PRKAR1B: variants seen among roughly 807,000 people sequenced by gnomAD.
PRKAR1B encodes the protein protein kinase cAMP-dependent type I regulatory subunit beta.
A neutral mutation model predicts 46.5 loss-of-function variants in PRKAR1B; 22 were observed. That is an observed-to-expected ratio of 0.47 (90% CI 0.34 to 0.68). The LOEUF is 0.68. PRKAR1B is among the 30% of genes least tolerant of loss of function. The pLI is 0.01. For missense variants in PRKAR1B, 445 were observed against 535.6 expected (o/e 0.83, Z 1.67); for synonymous variants, 259 against 217.7 (o/e 1.19, Z -1.67).
intron 8 of PRKAR1B, among the ~76,000 whole-genome samples, chr7:579,921 AC>A (rs1364530717): frequency 6.6e-6 from 1 of 151,638 alleles, no homozygotes; most frequent in South Asian, 2.1e-4. Flanking sequence ...ACATAATGAG[AC>A]CCCATCTCTA....
chr7:604,372 G>A lies in PRKAR1B; in HGVS notation c.549+1821C>T, dbSNP rs1295540087. Reference sequence around the variant, plus strand: ...CCCCCTCCACACTTCCTCTGAGGCCGGGCAGTACCCGGGACCTTTGGCACC... The same window carrying A: ...CCCCCTCCACACTTCCTCTGAGGCCAGGCAGTACCCGGGACCTTTGGCACC... On this transcript the variant is annotated intron_variant, in intron 6 of 10. Coordinates refer to ENST00000537384, the MANE Select transcript of PRKAR1B (RefSeq NM_001164760.2). 8.5e-5 allele frequency among the ~76,000 whole-genome samples: 13 copies of A among 152,328 alleles called. No individual in the cohort carries two copies. The East Asian group carries it at 9.7e-4, about 11-fold the overall frequency.
chr7:626,403 G>C (rs1783405441), intron 4 of PRKAR1B, among the ~76,000 whole-genome samples: 1 of 152,084 alleles, frequency 6.6e-6, no homozygotes, highest in Non-Finnish European at 1.5e-5. Context: ...GATGAGGCCA[G>C]AGAATCACTT....
chr7:673,600 G>C (rs1786411274), intron 4 of PRKAR1B, among the ~76,000 whole-genome samples: 1 of 150,332 alleles, frequency 6.7e-6, no homozygotes, highest in Non-Finnish European at 1.5e-5. Context: ...AGTGAGCCGA[G>C]ATCGCCCCAC....
chr7:685,349 T>TAC (rs1562615933), intron 2 of PRKAR1B, among the ~76,000 whole-genome samples: 3 of 71,018 alleles, frequency 4.2e-5, no homozygotes, highest in Admixed American at 1.6e-4. Context: ...TATATATATG[T>TAC]ATACATATAT....
intron 4 of PRKAR1B, among the ~76,000 whole-genome samples, chr7:616,047 T>TGAGCCC (rs2128471284): frequency 6.6e-6 from 1 of 152,028 alleles, no homozygotes; most frequent in East Asian, 1.9e-4. Flanking sequence ...AGGCTGAGGC[T>TGAGCCC]GAGCCCAGGC....
At chr7:625,516 T>C (rs764546490) in intron 4 of PRKAR1B, among the ~76,000 whole-genome samples, 32 of 151,912 alleles carry the variant, frequency 2.1e-4, no homozygotes, top group Non-Finnish European at 4.3e-4. Flanking sequence ...ACAGGTCCCA[T>C]GGACAAGAGA....
chr7:551,493 G>C (rs944155478), intron 9 of PRKAR1B, 23 bp from the exon 10 acceptor site: 1 of 1,548,868 alleles, frequency 6.5e-7, no homozygotes, highest in African/African-American at 1.4e-5. Context: ...GTGGACAGAC[G>C]TGAGTGCCAG....
At chr7:672,480 A>G (rs1206726341) in intron 4 of PRKAR1B, among the ~76,000 whole-genome samples, 2 of 152,148 alleles carry the variant, frequency 1.3e-5, no homozygotes, top group South Asian at 4.1e-4. Flanking sequence ...ATTCAGGTGC[A>G]AAGCTGTGCT....
intron 9 of PRKAR1B, among the ~76,000 whole-genome samples, chr7:577,985 G>A (rs956858036): frequency 1.4e-4 from 22 of 152,228 alleles, no homozygotes; most frequent in African/African-American, 5.1e-4. Flanking sequence ...CAGCTCTCTG[G>A]TTAAGGGTGG....
At chr7:717,160 G>A (rs566485544) in intron 1 of PRKAR1B, among the ~76,000 whole-genome samples, 4 of 151,900 alleles carry the variant, frequency 2.6e-5, no homozygotes, top group East Asian at 3.9e-4. Context: ...GTGTGGTGCC[G>A]TGCCTGTAGT....
chr7:724,577 G>A (rs1781184063), intron 1 of PRKAR1B, among the ~76,000 whole-genome samples: 1 of 152,204 alleles, frequency 6.6e-6, no homozygotes, highest in South Asian at 2.1e-4. Flanking sequence ...TCTCGGCCAT[G>A]TCTTTATTAG....
At chr7:688,012 T>A (rs530372318) in intron 2 of PRKAR1B, among the ~76,000 whole-genome samples, 20 of 150,392 alleles carry the variant, frequency 1.3e-4, no homozygotes. Context: ...AGGAGAATCA[T>A]TTGAACCCAG....
In PRKAR1B at chr7:704,299, C is replaced by A. The variant is rs1317087809; in HGVS notation, c.177+7030G>T. On this transcript the variant is annotated intron_variant, in intron 2 of 10. Coordinates refer to ENST00000537384, the MANE Select transcript of PRKAR1B (RefSeq NM_001164760.2). ...AAAGATCAGTAAAATTGATAAACTT[C>A]TAGCCAGACTGATCAAGCAAAAAAG... is the stretch of plus-strand genomic sequence containing the variant. 2.6e-5 allele frequency among the ~76,000 whole-genome samples: 4 copies of A among 152,166 alleles called. No homozygotes were observed. The East Asian group carries it at 7.7e-4, about 29-fold the overall frequency.
chr7:706,083 T>C (rs1222314490), intron 2 of PRKAR1B, among the ~76,000 whole-genome samples: 2 of 152,040 alleles, frequency 1.3e-5, no homozygotes, highest in Non-Finnish European at 2.9e-5. Flanking sequence ...CCCAGCACTT[T>C]GGGAAGCCGA....
intron 9 of PRKAR1B, among the ~76,000 whole-genome samples, chr7:556,170 G>A (rs552119600): frequency 6.6e-6 from 1 of 152,232 alleles, no homozygotes; most frequent in African/African-American, 2.4e-5. Flanking sequence ...CCACCATGAA[G>A]CCCCTGACCA....
At chr7:664,392 G>T (rs1785788532) in intron 4 of PRKAR1B, among the ~76,000 whole-genome samples, 1 of 152,308 alleles carries the variant, frequency 6.6e-6, no homozygotes, top group Non-Finnish European at 1.5e-5. Context: ...CCCTCCATCT[G>T]AAGGACAGCC....
chr7:727,297 C>T, upstream of PRKAR1B: 5 of 1,300,658 alleles, frequency 3.8e-6, no homozygotes, highest in Non-Finnish European at 4.9e-6. Flanking sequence ...CGCCGCCGCC[C>T]TGGCGCAGGC....
chr7:562,360 G>T (rs994755007), intron 9 of PRKAR1B, among the ~76,000 whole-genome samples: 2 of 152,162 alleles, frequency 1.3e-5, no homozygotes, highest in East Asian at 3.9e-4. Context: ...GCGTCCCAGT[G>T]AGGGCCCTGT....
intron 4 of PRKAR1B, among the ~76,000 whole-genome samples, chr7:627,559 C>T (rs892975873): frequency 1.2e-4 from 18 of 152,222 alleles, no homozygotes; most frequent in Non-Finnish European, 2.2e-4. Flanking sequence ...GGCTGACCCC[C>T]CCAATCCATC....
Sources: gnomAD v4.1 joint callset for allele counts (sites outside exome capture counted in the v4.1 genomes callset) on GRCh38, gnomAD v4.1.1 for gene constraint, MANE v1.5 for transcripts, NCBI Gene and HGNC (gene_info 2026-07-23, HGNC 2026-07-21) for gene names.